The following ATP2A2 variants were observed in gnomAD, a reference collection of about 807,000 sequenced individuals.
ATP2A2 encodes ATPase sarcoplasmic/endoplasmic reticulum Ca2+ transporting 2.
A neutral mutation model predicts 109.3 loss-of-function variants in ATP2A2; 14 were observed. The observed-to-expected ratio is 0.13, with a 90% CI of 0.08 to 0.20. ATP2A2 has a LOEUF of 0.20. Ranked by LOEUF, ATP2A2 falls within the 10% of genes least tolerant of loss-of-function variation. The probability of loss-of-function intolerance (pLI) is 1.00; values close to 1 mark genes in which losing one functional copy is unlikely to be tolerated. For synonymous variants in ATP2A2, 506 were observed against 490.9 expected (o/e 1.03, Z -0.41); for missense variants, 657 against 1,321.6 (o/e 0.50, Z 7.80).
Position 110,322,984 on chromosome 12 carries a change from CTAAT to C in ATP2A2, c.464-5_464-2del. On this transcript the variant is annotated splice_polypyrimidine_tract_variant and splice_region_variant and intron_variant, in intron 5 of 19. Coordinates refer to ENST00000539276, the MANE Select transcript of ATP2A2 (RefSeq NM_170665.4). ...TCATTTCAGCCGCCTTTTTTTTCTC[CTAAT>C]TAGTTGGTGACAAAGTTCCTGCTGA... 3 of 1,607,542 alleles carry C rather than the reference CTAAT, an allele frequency of 1.9e-6. No individual in the cohort carries two copies. Among genetic ancestry groups the C allele is most frequent in the Non-Finnish European group, 2.6e-6 (3 of 1,174,218 alleles).
At chr12:110,324,080 A>G (rs1029597984) in intron 6 of ATP2A2, among the ~76,000 whole-genome samples, 3 of 152,226 alleles carry the variant, frequency 2.0e-5, no homozygotes, top group East Asian at 3.8e-4. Context: ...TAAAAGCACA[A>G]TCTAGGGTGG....
chr12:110,295,140 A>G (rs959500504), intron 4 of ATP2A2, among the ~76,000 whole-genome samples: 3 of 151,580 alleles, frequency 2.0e-5, no homozygotes, highest in Non-Finnish European at 4.4e-5. Flanking sequence ...TGTAATTGTC[A>G]TCTTTGTTCT....
rs981689557 is a variant in ATP2A2 at position 110,324,444 on chromosome 12, C to T, written c.544+1372C>T. 6.9e-4 allele frequency among the ~76,000 whole-genome samples: 105 copies of T among 151,574 alleles called. 1 individual carries two copies. Among genetic ancestry groups the T allele is most frequent in the African/African-American group, 2.4e-5 (1 of 41,302 alleles). ...AAAAAAAATTTTTTTTTTTTTGAGG[C>T]GGAGTCTCGCTCTGTTGCCCAGGCT... On this transcript the variant is annotated intron_variant, in intron 6 of 19. Transcript: ENST00000539276.
At position 110,349,139 on chromosome 12, in the gene ATP2A2, G is replaced by C; in HGVS notation, c.*2669G>C. Reference sequence around the variant, plus strand: ...AGTGGGTTAGGCCCACTGCTGTTTTGAGCAGGGCCACTTGCTCCATTTCAC... The same window carrying C: ...AGTGGGTTAGGCCCACTGCTGTTTTCAGCAGGGCCACTTGCTCCATTTCAC... On this transcript the variant is annotated 3_prime_UTR_variant, in exon 20 of 20. Transcript: ENST00000539276. 1 of 985,490 alleles carries C rather than the reference G, an allele frequency of 1.0e-6. No individual in the cohort carries two copies. Among genetic ancestry groups the C allele is most frequent in the African/African-American group, 1.7e-5 (1 of 57,354 alleles). 61.0% of individuals were successfully genotyped at this position (985,490 alleles called of 1,614,324 possible).
chr12:110,301,797 A>G (rs73206855), intron 5 of ATP2A2, among the ~76,000 whole-genome samples: 4 of 152,170 alleles, frequency 2.6e-5, no homozygotes, highest in Non-Finnish European at 4.4e-5. Context: ...GCTTTCTTCT[A>G]TGATTTCATC....
At chr12:110,312,868 AAAC>A (rs1311309487) in intron 5 of ATP2A2, among the ~76,000 whole-genome samples, 10 of 152,088 alleles carry the variant, frequency 6.6e-5, no homozygotes, top group Admixed American at 5.2e-4. Flanking sequence ...AAAAAAAAGA[AAAC>A]AAAACAAAAA....
intron 3 of ATP2A2, among the ~76,000 whole-genome samples, chr12:110,287,653 C>T (rs940316754): frequency 1.3e-5 from 2 of 152,248 alleles, no homozygotes; most frequent in South Asian, 2.1e-4. Flanking sequence ...CCTGCTCTGT[C>T]GCCCAGATTG....
At chr12:110,298,971 CTT>C (rs918130473) in intron 5 of ATP2A2, among the ~76,000 whole-genome samples, 1 of 152,056 alleles carries the variant, frequency 6.6e-6, no homozygotes, top group Non-Finnish European at 1.5e-5. Context: ...CCAGTTATCA[CTT>C]TTTTTGATGA....
chr12:110,330,414 A>AT (rs1030261955), intron 8 of ATP2A2: 3 of 152,188 alleles, frequency 2.0e-5, no homozygotes, highest in African/African-American at 7.2e-5. Context: ...TTAAGTTCTT[A>AT]TTTTTTGGAA....
chr12:110,347,332 T>C lies in ATP2A2; in HGVS notation c.*862T>C. The C allele has an allele frequency of 7.8e-7, 1 of 1,283,898 alleles. No individual in the cohort carries two copies. Among genetic ancestry groups the C allele is most frequent in the Non-Finnish European group, 1.0e-6 (1 of 984,780 alleles). 79.5% of individuals were successfully genotyped at this position (1,283,898 alleles called of 1,614,324 possible). ...AAATGGACAGAGAAAAATAACTGTC[T>C]TGTCTTTAACTCGTAAGTGGCTTAC... On this transcript the variant is annotated 3_prime_UTR_variant, in exon 20 of 20. Transcript: ENST00000539276.
At chr12:110,285,823 C>A (rs1186112115) in intron 3 of ATP2A2, among the ~76,000 whole-genome samples, 1 of 151,700 alleles carries the variant, frequency 6.6e-6, no homozygotes, top group African/African-American at 2.4e-5. Context: ...ATAAAACTTT[C>A]TAGACTGTGG....
chr12:110,344,860 A>G (rs1252980475), intron 16 of ATP2A2, 26 bp from the exon 17 acceptor site: 2 of 1,611,350 alleles, frequency 1.2e-6, no homozygotes, highest in Non-Finnish European at 8.5e-7. Flanking sequence ...AGGCAAGTGC[A>G]TCAGCATCAC....
Position 110,348,908 on chromosome 12 carries a change from C to T in ATP2A2, c.*2438C>T. 1 of 985,452 alleles carries T rather than the reference C, an allele frequency of 1.0e-6. No homozygotes were observed. Among genetic ancestry groups the T allele is most frequent in the Non-Finnish European group, 1.2e-6 (1 of 829,960 alleles). The allele number at this position is 985,452 out of a possible 1,614,324, so 61.0% of individuals were successfully genotyped here. ...TCTGGGCTGCAAACTGACTTGAGTG[C>T]TGCACTATTGCTATTCCGTGCAAAC... On this transcript the variant is annotated 3_prime_UTR_variant, in exon 20 of 20. Coordinates refer to ENST00000539276, the MANE Select transcript of ATP2A2 (RefSeq NM_170665.4).
At chr12:110,282,831 A>G (rs1003097655) in intron 3 of ATP2A2, 36 bp downstream of exon 3, 7 of 1,521,244 alleles carry the variant, frequency 4.6e-6, no homozygotes, top group Non-Finnish European at 6.3e-6. Flanking sequence ...TTCCCCCCAA[A>G]AGCTGAAAGT....
At chr12:110,292,426 C>T (rs923650864) in intron 4 of ATP2A2, among the ~76,000 whole-genome samples, 51 of 152,152 alleles carry the variant, frequency 3.4e-4, no homozygotes, top group African/African-American at 1.2e-3. Context: ...ACCACCACGC[C>T]CAGCTCATTT....
At chr12:110,326,981 C>T (rs1877868962) in intron 7 of ATP2A2, among the ~76,000 whole-genome samples, 1 of 152,132 alleles carries the variant, frequency 6.6e-6, no homozygotes, top group African/African-American at 2.4e-5. Flanking sequence ...AAGTTGGGGA[C>T]ATTTGTGGGT....
chr12:110,348,158 T>C lies in ATP2A2; in HGVS notation c.*1688T>C. The C allele has an allele frequency of 1.0e-6, 1 of 985,446 alleles. No homozygotes were observed. The highest frequency in any genetic ancestry group is 4.7e-5 in the South Asian group (1 of 21,290). The allele number at this position is 985,446 out of a possible 1,614,324, so 61.0% of individuals were successfully genotyped here. A position where few individuals can be genotyped will look rare whatever the true frequency, so the allele number is the denominator to read the frequency against. On this transcript the variant is annotated 3_prime_UTR_variant, in exon 20 of 20. Transcript: ENST00000539276. ...AGCTGCCAGGAGTCATCCCAGAACA[T>C]TGCTACTTATTTATTAAAAAGCTAA... is the stretch of plus-strand genomic sequence containing the variant.
rs769565208 is a variant in ATP2A2, at chr12:110,339,346, G to A, written c.1485G>A (p.Ser495=). The A allele has an allele frequency of 7.4e-6, 12 of 1,613,926 alleles. No homozygotes were observed. The highest frequency in any genetic ancestry group is 5.0e-5 in the Admixed American group (3 of 59,986). Residue 495 remains serine, a synonymous_variant, in exon 12 of 20, where the codon TCG becomes TCA. Coordinates refer to ENST00000539276, the MANE Select transcript of ATP2A2 (RefSeq NM_170665.4). This position sits in a 1 kb window ranked among gnomAD's most constrained non-coding sequence, Gnocchi z 4.4. ...LEFSRDRKSM[S]VYCTPNKPSR... is the part of the protein sequence containing the mutation. ...TTTCACGTGACAGAAAGTCAATGTCGGTTTACTGTACACCAAATAAACCAA... is the reference window on the plus strand; with the variant it reads ...TTTCACGTGACAGAAAGTCAATGTCAGTTTACTGTACACCAAATAAACCAA...
intron 3 of ATP2A2, among the ~76,000 whole-genome samples, chr12:110,287,533 A>G (rs1872785573): frequency 6.6e-6 from 1 of 152,188 alleles, no homozygotes; most frequent in Non-Finnish European, 1.5e-5. Context: ...AGGGAAGAAG[A>G]AACACTGTTT....
Sources: allele counts gnomAD v4.1 joint callset (sites outside exome capture counted in the v4.1 genomes callset), GRCh38; gene constraint gnomAD v4.1.1; non-coding constraint Gnocchi (gnomAD v3.1); transcripts MANE v1.5; gene names NCBI Gene and HGNC (gene_info 2026-07-23, HGNC 2026-07-21).